Variants in C1orf87 observed in about 807,000 individuals in gnomAD.
The protein encoded by C1orf87 is uncharacterized protein C1orf87.
In C1orf87, 58 loss-of-function variants were observed where a neutral mutation model predicts 60.5. The ratio of observed to expected loss-of-function variants is 0.96; its 90% CI spans 0.78 to 1.19. The LOEUF (loss-of-function observed/expected upper bound fraction) is 1.19. Among genes scored for constraint, C1orf87 ranks in the 50% most tolerant of loss-of-function variants. The pLI, the probability that C1orf87 is intolerant of heterozygous loss-of-function variation, is 0.00. For synonymous variants in C1orf87, 236 were observed against 227.4 expected, an observed-to-expected ratio of 1.04 and a Z score of -0.34; for missense variants, 673 against 638.6, an observed-to-expected ratio of 1.05 and a Z score of -0.58.
intron 5 of C1orf87, 63 bp downstream of exon 5, chr1:60,039,854 C>G: frequency 6.6e-7 from 1 of 1,520,780 alleles, no homozygotes; most frequent in Non-Finnish European, 8.9e-7. Context: ...AGTCTTTTAC[C>G]CTTGTGGGTA....
chr1:59,997,731 C>A lies in C1orf87; in HGVS notation c.1358G>T (p.Arg453Met). 1.2e-6 allele frequency: 2 copies of A among 1,613,940 alleles called. No individual in the cohort carries two copies. ...ATTCACGAAGGGCTGGGAGACTGGC[C>A]TGATCTTTAAAGGTTTCAGAGGATC... is the stretch of plus-strand genomic sequence containing the variant. ...CKDPLKPLKI[R>M]PVSQPFVNPA... Residue 453 changes from arginine (R) to methionine (M), a missense_variant, in exon 11 of 12, where the codon AGG becomes ATG. Coordinates refer to ENST00000371201, the MANE Select transcript of C1orf87 (RefSeq NM_152377.3).
rs1340053369 is a variant in C1orf87 at position 60,064,733 on chromosome 1, TTTAAATAGAATA to T, written c.107+7792_107+7803del. 3.1e-5 allele frequency among the ~76,000 whole-genome samples: 3 copies of T among 97,812 alleles called. No homozygotes were observed. The South Asian group carries it at 8.1e-4, about 26-fold the overall frequency. The allele number at this position is 97,812 out of a possible 152,430, so 64.2% of individuals were successfully genotyped here. On this transcript the variant is annotated intron_variant, in intron 2 of 11. Coordinates refer to ENST00000371201, the MANE Select transcript of C1orf87 (RefSeq NM_152377.3). The stretch of plus-strand genomic sequence containing the variant: ...ATATATATAAATATATTTAAATATA[TTTAAATAGAATA>T]TTAAATATATAAATATATAATTATA...
chr1:60,054,291 C>A (rs1327215478), intron 3 of C1orf87, among the ~76,000 whole-genome samples: 1 of 152,166 alleles, frequency 6.6e-6, no homozygotes, highest in East Asian at 1.9e-4. Flanking sequence ...AGAGTATAGC[C>A]TGAGGTCCAT....
chr1:60,012,344 G>C (rs1645092249), intron 8 of C1orf87, among the ~76,000 whole-genome samples: 1 of 152,110 alleles, frequency 6.6e-6, no homozygotes, highest in Non-Finnish European at 1.5e-5. Flanking sequence ...AATGACACCA[G>C]AAAATTTTCT....
intron 6 of C1orf87, among the ~76,000 whole-genome samples, chr1:60,034,201 T>C (rs1645259131): frequency 2.0e-5 from 3 of 152,190 alleles, no homozygotes. Flanking sequence ...GGAGTAATTA[T>C]TTACTTACAG....
rs755576616 is a variant in C1orf87 at position 60,039,913 on chromosome 1, A to G, written c.747+4T>C. The G allele has an allele frequency of 1.2e-6, 2 of 1,612,556 alleles. No homozygotes were observed. Among genetic ancestry groups the G allele is most frequent in the East Asian group, 2.2e-5 (1 of 44,882 alleles). On this transcript the variant is annotated splice_donor_region_variant and intron_variant, in intron 5 of 11. Coordinates refer to ENST00000371201, the MANE Select transcript of C1orf87 (RefSeq NM_152377.3). Reference sequence around the variant, plus strand: ...CCACACTTCCAATAGTACAATTGCCATACCATTTCAGGAGAACCCCTCTTA... The same window carrying G: ...CCACACTTCCAATAGTACAATTGCCGTACCATTTCAGGAGAACCCCTCTTA...
At chr1:60,032,439 T>TTTC in intron 7 of C1orf87, among the ~76,000 whole-genome samples, 1 of 143,048 alleles carries the variant, frequency 7.0e-6, no homozygotes, top group East Asian at 2.0e-4. Context: ...CAGGTTTTTT[T>TTTC]TTTTTTTTTT....
chr1:60,027,684 G>A (rs1378592804), intron 7 of C1orf87, among the ~76,000 whole-genome samples: 1 of 151,934 alleles, frequency 6.6e-6, no homozygotes, highest in African/African-American at 2.4e-5. Flanking sequence ...ATGTTCCTGT[G>A]TATAGAGGAG....
rs1292439878 is a variant in C1orf87 at position 59,990,651 on chromosome 1, T to A, written c.*22A>T. On this transcript the variant is annotated 3_prime_UTR_variant, in exon 12 of 12. Transcript: ENST00000371201. ...AAAAGGGAGATAAGGGAAACATCTG[T>A]TCTCACAATATGGGCTTGTTATCAT... The A allele has an allele frequency of 1.2e-6, 2 of 1,612,066 alleles. No individual in the cohort carries two copies. Among genetic ancestry groups the A allele is most frequent in the Admixed American group, 3.3e-5 (2 of 59,946 alleles).
intron 2 of C1orf87, among the ~76,000 whole-genome samples, chr1:60,065,058 T>TGTATTAA (rs1645535665): frequency 9.1e-6 from 1 of 110,424 alleles, no homozygotes; most frequent in African/African-American, 3.4e-5. Context: ...ATATAAAATA[T>TGTATTAA]ATATTATTTA....
intron 3 of C1orf87, among the ~76,000 whole-genome samples, chr1:60,054,885 G>A (rs1388761363): frequency 1.3e-5 from 2 of 151,912 alleles, no homozygotes; most frequent in African/African-American, 4.8e-5. Flanking sequence ...CCTCCAACAC[G>A]CCCCAACTTT....
rs553982228 is a variant in C1orf87 at position 60,066,212 on chromosome 1, T to C, written c.107+6325A>G. On this transcript the variant is annotated intron_variant, in intron 2 of 11. Transcript: ENST00000371201. ...TAAGACAGCAATAAAGTTTGCTGCA[T>C]CTATTGACTCATCATTTTACAAAAG... 7.5e-4 allele frequency among the ~76,000 whole-genome samples: 114 copies of C among 152,288 alleles called. 1 individual carries two copies. The highest frequency in any genetic ancestry group is 2.7e-3 in the African/African-American group (112 of 41,578).
At chr1:60,055,972 A>G (rs1393020036) in intron 2 of C1orf87, among the ~76,000 whole-genome samples, 1 of 152,144 alleles carries the variant, frequency 6.6e-6, no homozygotes, top group East Asian at 1.9e-4. Flanking sequence ...TTTAACAACT[A>G]AAAGTCCTCA....
chr1:60,008,623 A>C (rs980963781), intron 9 of C1orf87: 1 of 440,812 alleles, frequency 2.3e-6, no homozygotes, highest in Non-Finnish European at 4.5e-6. Flanking sequence ...GAGGAAAGCC[A>C]TGTGAGGACA....
chr1:60,001,704 C>A (rs1645006636), intron 9 of C1orf87, among the ~76,000 whole-genome samples: 1 of 152,074 alleles, frequency 6.6e-6, no homozygotes, highest in African/African-American at 2.4e-5. Context: ...TGTGGTCCTG[C>A]CTCTTAAGAA....
At chr1:60,028,540 G>A (rs927128795) in intron 7 of C1orf87, among the ~76,000 whole-genome samples, 8 of 152,120 alleles carry the variant, frequency 5.3e-5, no homozygotes, top group African/African-American at 1.9e-4. Context: ...ATAAGGAAAT[G>A]TTTTTAACCA....
chr1:60,019,343 C>G (rs1645146372), intron 8 of C1orf87, among the ~76,000 whole-genome samples: 1 of 152,170 alleles, frequency 6.6e-6, no homozygotes, highest in Admixed American at 6.5e-5. Context: ...TTCCTGTGGC[C>G]ACTCAGCCAT....
intron 2 of C1orf87, among the ~76,000 whole-genome samples, chr1:60,065,823 A>G (rs1220319763): frequency 6.6e-6 from 1 of 152,162 alleles, no homozygotes. Context: ...AGAACTTTGC[A>G]TATCTTGGGT....
intron 2 of C1orf87, among the ~76,000 whole-genome samples, chr1:60,071,183 T>A (rs1339810290): frequency 6.6e-6 from 1 of 152,152 alleles, no homozygotes; most frequent in East Asian, 1.9e-4. Flanking sequence ...AGAGGTTCGA[T>A]TTTTTGTTAC....
Sources: gnomAD v4.1 joint callset for allele counts (sites outside exome capture counted in the v4.1 genomes callset) on GRCh38, gnomAD v4.1.1 for gene constraint, MANE v1.5 for transcripts, NCBI Gene and HGNC (gene_info 2026-07-23, HGNC 2026-07-21) for gene names.